The following PKP2 variants were observed in gnomAD, a reference collection of about 807,000 sequenced individuals.
The protein encoded by PKP2 is plakophilin 2.
A neutral mutation model predicts 83.4 loss-of-function variants in PKP2; 73 were observed. The ratio of observed to expected loss-of-function variants is 0.88; its 90% confidence interval spans 0.72 to 1.06. The LOEUF (loss-of-function observed/expected upper bound fraction) is 1.06, where lower values mean the gene tolerates loss of function less well. Ranked by LOEUF, PKP2 falls within the 50% of genes least tolerant of loss-of-function variation. PKP2 has a pLI of 0.00. For missense variants in PKP2, 966 were observed against 1,065.4 expected (o/e 0.91, Z 1.30); for synonymous variants, 409 against 430.4 (o/e 0.95, Z 0.62).
intron 9 of PKP2, among the ~76,000 whole-genome samples, chr12:32,814,237 T>G (rs1037181695): frequency 1.3e-5 from 2 of 152,204 alleles, no homozygotes; most frequent in African/African-American, 4.8e-5. Context: ...TTCCTCAACA[T>G]TTGCTGGAGG....
intron 9 of PKP2, among the ~76,000 whole-genome samples, chr12:32,817,286 G>A (rs185358995): frequency 1.3e-5 from 2 of 152,266 alleles, no homozygotes; most frequent in African/African-American, 2.4e-5. Flanking sequence ...AATTCAAGAT[G>A]GATTTAAGAT....
intron 4 of PKP2, among the ~76,000 whole-genome samples, chr12:32,854,287 C>T (rs948269223): frequency 2.0e-5 from 3 of 152,262 alleles, no homozygotes; most frequent in East Asian, 3.9e-4. Context: ...TGCTCTAGCC[C>T]GGAAAGAGAG....
rs1197820814 is a variant in PKP2 at position 32,896,560 on chromosome 12, C to T, written c.172G>A (p.Glu58Lys). ...GQTVKSLRIQEQVQQTLARKG... is the reference protein window; with the variant it reads ...GQTVKSLRIQKQVQQTLARKG... ...CGGGCGAGGGTCTGCTGCACCTGCT[C>T]CTGGATCCGCAGGCTCTTGACTGTC... The change falls in exon 1 of 13, where the codon GAG (glutamate) becomes AAG (lysine). Residue 58 changes from glutamate to lysine, a missense_variant. Transcript: ENST00000340811. 1.9e-6 allele frequency: 3 copies of T among 1,589,756 alleles called. No homozygotes were observed. In the Admixed American group the frequency reaches 5.0e-5, roughly 27 times the overall value.
chr12:32,797,485 ACCCACGTAAGAAACCTGAGG>A (rs1956137711), intron 10 of PKP2, among the ~76,000 whole-genome samples: 1 of 147,352 alleles, frequency 6.8e-6, no homozygotes. Flanking sequence ...TTACCAAAAA[ACCCACGTAAGAAACCTGAGG>A]AAAAATGTTA....
intron 10 of PKP2, among the ~76,000 whole-genome samples, chr12:32,798,616 C>T (rs1956152987): frequency 6.6e-6 from 1 of 151,996 alleles, no homozygotes; most frequent in Non-Finnish European, 1.5e-5. Flanking sequence ...TACTTACAGC[C>T]AACTGATCTT....
At chr12:32,797,101 T>C (rs1956132973) in intron 10 of PKP2, among the ~76,000 whole-genome samples, 1 of 152,042 alleles carries the variant, frequency 6.6e-6, no homozygotes, top group Non-Finnish European at 1.5e-5. Flanking sequence ...AAAATAATTA[T>C]GTTAATAGTG....
chr12:32,841,158 T>C lies in PKP2; in HGVS notation c.1426A>G (p.Ile476Val), dbSNP rs763749576. The change falls in exon 6 of 13, where the codon ATA (isoleucine) becomes GTA (valine). Residue 476 changes from isoleucine to valine, a missense_variant. Coordinates refer to ENST00000340811, the MANE Select transcript of PKP2 (RefSeq NM_001005242.3). ...GTCAGCGTAAGCAATGCTTCTGTTA[T>C]CATGAGATTCTTGAGTTTGTCATTA... ...SSNDKLKNLMITEALLTLTEN... is the reference protein window; with the variant it reads ...SSNDKLKNLMVTEALLTLTEN... 37 of 1,613,502 alleles carry C rather than the reference T, an allele frequency of 2.3e-5. No homozygotes were observed. In the East Asian group the frequency reaches 5.3e-4, roughly 23 times the overall value.
intron 9 of PKP2, among the ~76,000 whole-genome samples, chr12:32,810,383 T>C (rs1956266316): frequency 6.6e-6 from 1 of 151,990 alleles, no homozygotes; most frequent in Non-Finnish European, 1.5e-5. Context: ...TTGACATATA[T>C]AATCCTTCAA....
intron 10 of PKP2, among the ~76,000 whole-genome samples, chr12:32,800,182 T>A (rs1055260331): frequency 6.6e-6 from 1 of 152,226 alleles, no homozygotes; most frequent in Non-Finnish European, 1.5e-5. Flanking sequence ...CTAATTTTAT[T>A]GTGTGCCTTC....
intron 11 of PKP2, among the ~76,000 whole-genome samples, chr12:32,794,461 C>T (rs2097093247): frequency 6.6e-6 from 1 of 152,156 alleles, no homozygotes; most frequent in South Asian, 2.1e-4. Context: ...GCAAGAAGCT[C>T]CTTGTTAACT....
intron 6 of PKP2, among the ~76,000 whole-genome samples, chr12:32,832,388 A>T (rs549700126): frequency 6.6e-6 from 1 of 152,290 alleles, no homozygotes; most frequent in African/African-American, 2.4e-5. Context: ...AAAAAAGAAA[A>T]AAAAAAAATT....
chr12:32,853,452 C>T (rs1426174612), intron 4 of PKP2, among the ~76,000 whole-genome samples: 7 of 147,002 alleles, frequency 4.8e-5, no homozygotes, highest in African/African-American at 1.2e-4. Flanking sequence ...CTGTAATTCA[C>T]GTTTCCCTAA....
chr12:32,792,201 C>G lies in PKP2; in HGVS notation c.*223G>C. 1 of 583,086 alleles carries G rather than the reference C, an allele frequency of 1.7e-6. No homozygotes were observed. Among genetic ancestry groups the G allele is most frequent in the Non-Finnish European group, 3.1e-6 (1 of 326,280 alleles). The allele number at this position is 583,086 out of a possible 1,614,324, so 36.1% of individuals were successfully genotyped here. On this transcript the variant is annotated 3_prime_UTR_variant, in exon 13 of 13. Transcript: ENST00000340811. Reference sequence around the variant, plus strand: ...CCATAAGCCCTAATAACAAAGACCACTATTTGTCGAGCCTGTGGCCGGTAT... The same window carrying G: ...CCATAAGCCCTAATAACAAAGACCAGTATTTGTCGAGCCTGTGGCCGGTAT...
chr12:32,872,846 G>A (rs1042271236), intron 3 of PKP2, among the ~76,000 whole-genome samples: 1 of 148,966 alleles, frequency 6.7e-6, no homozygotes, highest in Non-Finnish European at 1.5e-5. Context: ...CACTATAAAA[G>A]GTTCAGCTGA....
At chr12:32,843,336 A>G in intron 5 of PKP2, 8 of 1,364,418 alleles carry the variant, frequency 5.9e-6, no homozygotes, top group South Asian at 1.1e-5. Context: ...AAGAGGAAGC[A>G]TAGGTACTCA....
Position 32,896,762 on chromosome 12 carries a change from C to T in PKP2, c.-31G>A, listed in dbSNP as rs1262033887. 5 of 1,243,668 alleles carry T rather than the reference C, an allele frequency of 4.0e-6. No homozygotes were observed. In the East Asian group the frequency reaches 1.2e-4, roughly 31 times the overall value. The allele number at this position is 1,243,668 out of a possible 1,614,324, so 77.0% of individuals were successfully genotyped here. ...CGGTGGGGGCGACCGAGCTGCTCGC[C>T]TGCCTCTGGACTCGCGGGCGAAGCC... On this transcript the variant is annotated 5_prime_UTR_variant, in exon 1 of 13. Transcript: ENST00000340811.
intron 4 of PKP2, chr12:32,863,411 T>C (rs1956818518): frequency 4.0e-6 from 1 of 250,668 alleles, no homozygotes; most frequent in South Asian, 6.2e-5. Context: ...AGAGTCCGAG[T>C]GATGCTGTAC....
At chr12:32,885,522 C>T (rs1394901985) in intron 1 of PKP2, among the ~76,000 whole-genome samples, 1 of 152,000 alleles carries the variant, frequency 6.6e-6, no homozygotes, top group African/African-American at 2.4e-5. Context: ...CTCTAAAATA[C>T]AAAAATTAGC....
rs1478203098 is a variant in PKP2 at position 32,878,527 on chromosome 12, G to A, written c.353C>T (p.Thr118Ile). 1.2e-6 allele frequency: 2 copies of A among 1,611,990 alleles called. No homozygotes were observed. Among genetic ancestry groups the A allele is most frequent in the Admixed American group, 3.4e-5 (2 of 59,674 alleles). Residue 118 changes from threonine (T) to isoleucine (I), a missense_variant, in exon 3 of 13, where the codon ACT becomes ATT. By Grantham distance (89) the Thr-to-Ile change is moderately conservative. Transcript: ENST00000340811. ...TCCTCTTCCCCAGCGACCTTCATAA[G>A]TGGCAGTTGTGCCAGCCTGCACATG... ...YDMLKAGTTA[T>I]YEGRWGRGTA...
Sources: gnomAD v4.1 joint callset for allele counts (sites outside exome capture counted in the v4.1 genomes callset) on GRCh38, gnomAD v4.1.1 for gene constraint, MANE v1.5 for transcripts, NCBI Gene and HGNC (gene_info 2026-07-23, HGNC 2026-07-21) for gene names.